ARHGAP24: variants seen among roughly 807,000 people sequenced by gnomAD.
The protein encoded by ARHGAP24 is rho GTPase-activating protein 24.
ARHGAP24 carries 50 observed loss-of-function variants against 76.4 expected under a neutral mutation model. The observed-to-expected ratio is 0.65, with a 90% CI of 0.52 to 0.83. ARHGAP24 has a LOEUF of 0.83. Ranked by LOEUF, ARHGAP24 falls within the 40% of genes least tolerant of loss-of-function variation. The pLI is 0.00. For missense variants in ARHGAP24, 930 were observed against 914.2 expected (o/e 1.02, Z -0.22); for synonymous variants, 345 against 323.3 (o/e 1.07, Z -0.72).
chr4:85,772,744 G>A (rs563891024), intron 3 of ARHGAP24, among the ~76,000 whole-genome samples: 2 of 152,320 alleles, frequency 1.3e-5, no homozygotes, highest in African/African-American at 4.8e-5. Context: ...AATTGTTTAT[G>A]TATTGAATCT....
intron 2 of ARHGAP24, among the ~76,000 whole-genome samples, chr4:85,578,304 C>T (rs1203307022): frequency 6.6e-6 from 1 of 152,188 alleles, no homozygotes; most frequent in Non-Finnish European, 1.5e-5. Context: ...GAATGCTCCT[C>T]AGGTCGCTTT....
chr4:85,572,315 G>T (rs531333751), intron 2 of ARHGAP24, among the ~76,000 whole-genome samples: 1 of 152,158 alleles, frequency 6.6e-6, no homozygotes, highest in African/African-American at 2.4e-5. Context: ...GAGGAACACA[G>T]TGAATACTAT....
rs548966415 is a variant in ARHGAP24, at chr4:85,782,575, T to C, written c.268+60603T>C. ...ACTAGAATTCAGTGAGCAAGATTTA[T>C]GTTTCCCAAGGAACTGTCAAGCTTA... On this transcript the variant is annotated intron_variant, in intron 3 of 9. Transcript: ENST00000395184. Among the ~76,000 whole-genome samples the C allele has an allele frequency of 2.9e-3, 441 of 152,322 alleles. 2 individuals carry two copies. Among genetic ancestry groups the C allele is most frequent in the Non-Finnish European group, 4.9e-3 (333 of 68,018 alleles).
chr4:85,888,671 A>G (rs1733709831), intron 3 of ARHGAP24, among the ~76,000 whole-genome samples: 1 of 152,072 alleles, frequency 6.6e-6, no homozygotes, highest in African/African-American at 2.4e-5. Context: ...GTTTGTTAAC[A>G]TAGGTAAACT....
At chr4:85,625,167 G>A (rs1202852026) in intron 2 of ARHGAP24, among the ~76,000 whole-genome samples, 3 of 152,020 alleles carry the variant, frequency 2.0e-5, no homozygotes, top group Admixed American at 2.0e-4. Context: ...TGATGTTAGG[G>A]TGTCAGTTTT....
At chr4:85,950,515 T>C (rs1737548553) in intron 5 of ARHGAP24, among the ~76,000 whole-genome samples, 1 of 151,790 alleles carries the variant, frequency 6.6e-6, no homozygotes, top group African/African-American at 2.4e-5. Flanking sequence ...AATAAAAAAT[T>C]AAAATTAAAT....
intron 3 of ARHGAP24, among the ~76,000 whole-genome samples, chr4:85,782,262 G>C (rs60257697): frequency 0.046 from 7,036 of 151,898 alleles, 199 homozygotes; most frequent in East Asian, 0.09. Flanking sequence ...TTTAATTTTC[G>C]TGTTCATACC....
At chr4:85,895,953 T>G (rs1437606190) in intron 3 of ARHGAP24, among the ~76,000 whole-genome samples, 2 of 152,350 alleles carry the variant, frequency 1.3e-5, no homozygotes, top group South Asian at 4.1e-4. Context: ...TCTCACTGTT[T>G]GTAGTGATCA....
At chr4:85,951,188 C>G (rs777212215) in intron 5 of ARHGAP24, among the ~76,000 whole-genome samples, 1 of 151,738 alleles carries the variant, frequency 6.6e-6, no homozygotes, top group Admixed American at 6.6e-5. Flanking sequence ...GAAGGGGTTC[C>G]CAGATCCATG....
At chr4:85,930,258 C>T (rs1013809877) in intron 4 of ARHGAP24, 4 of 985,294 alleles carry the variant, frequency 4.1e-6, no homozygotes, top group Admixed American at 6.2e-5. Context: ...ACTGTTCTGA[C>T]GTTGTGATTC....
intron 2 of ARHGAP24, among the ~76,000 whole-genome samples, chr4:85,687,203 A>G (rs1311887967): frequency 6.6e-6 from 1 of 152,150 alleles, no homozygotes; most frequent in Non-Finnish European, 1.5e-5. Context: ...GGAAACAGAT[A>G]AGACTGAGGT....
intron 3 of ARHGAP24, among the ~76,000 whole-genome samples, chr4:85,847,359 A>C (rs1022601386): frequency 1.3e-5 from 2 of 152,190 alleles, no homozygotes; most frequent in Non-Finnish European, 2.9e-5. Flanking sequence ...TGCCCTCAAC[A>C]ATCTTACATG....
intron 3 of ARHGAP24, among the ~76,000 whole-genome samples, chr4:85,769,936 G>A (rs576817708): frequency 1.3e-5 from 2 of 152,114 alleles, no homozygotes; most frequent in African/African-American, 4.8e-5. Flanking sequence ...GAAAGGGTAG[G>A]AACTTTAAAT....
chr4:85,554,332 G>C (rs985299251), intron 1 of ARHGAP24, among the ~76,000 whole-genome samples: 2 of 152,050 alleles, frequency 1.3e-5, no homozygotes, highest in African/African-American at 2.4e-5. Context: ...TGCATTTCCT[G>C]ATTTTGAACA....
At chr4:85,667,250 A>C (rs1390225787) in intron 2 of ARHGAP24, among the ~76,000 whole-genome samples, 1 of 152,116 alleles carries the variant, frequency 6.6e-6, no homozygotes, top group Non-Finnish European at 1.5e-5. Flanking sequence ...TTTGATCTCA[A>C]ACTGCTGTGC....
At chr4:85,874,803 A>G (rs1410566320) in intron 3 of ARHGAP24, among the ~76,000 whole-genome samples, 1 of 8,498 alleles carries the variant, frequency 1.2e-4, no homozygotes, top group Non-Finnish European at 2.7e-4. Flanking sequence ...ATTTATATAT[A>G]AAATATATTT....
intron 3 of ARHGAP24, among the ~76,000 whole-genome samples, chr4:85,853,189 C>T (rs1008976721): frequency 1.7e-4 from 26 of 152,182 alleles, no homozygotes; most frequent in African/African-American, 6.3e-4. Flanking sequence ...ATGGTGGACG[C>T]CCCTTCCCCA....
chr4:85,494,719 T>C (rs1174149882), intron 1 of ARHGAP24, among the ~76,000 whole-genome samples: 1 of 151,294 alleles, frequency 6.6e-6, no homozygotes, highest in Non-Finnish European at 1.5e-5. Flanking sequence ...AAGTCTGTCA[T>C]GTAGGAAATA....
At chr4:85,884,736 G>T (rs932355373) in intron 3 of ARHGAP24, among the ~76,000 whole-genome samples, 11 of 152,246 alleles carry the variant, frequency 7.2e-5, no homozygotes, top group African/African-American at 2.6e-4. Flanking sequence ...TAAATTCATT[G>T]ATTTTTTTTC....
Sources: allele counts gnomAD v4.1 joint callset (sites outside exome capture counted in the v4.1 genomes callset), GRCh38; gene constraint gnomAD v4.1.1; transcripts MANE v1.5; gene names NCBI Gene and HGNC (gene_info 2026-07-23, HGNC 2026-07-21).